Variants in ROR2 observed in about 807,000 individuals in gnomAD.
The protein encoded by ROR2 is tyrosine-protein kinase transmembrane receptor ROR2.
In ROR2, 33 loss-of-function variants were observed where a neutral mutation model predicts 74.9. The observed-to-expected ratio is 0.44, with a 90% CI of 0.33 to 0.59. The LOEUF is 0.59. Among genes scored for constraint, ROR2 ranks in the 20% least tolerant of loss-of-function variants. The pLI, the probability that ROR2 is intolerant of heterozygous loss-of-function variation, is 0.02. For synonymous variants in ROR2, 586 were observed against 558.7 expected, an observed-to-expected ratio of 1.05 and a Z score of -0.69; for missense variants, 1,216 against 1,313.8, an observed-to-expected ratio of 0.93 and a Z score of 1.15.
At chr9:91,948,662 G>T in intron 1 of ROR2, 1 of 985,522 alleles carries the variant, frequency 1.0e-6, no homozygotes, top group Middle Eastern at 5.2e-4. Flanking sequence ...CTCCCAGCAG[G>T]ACGCAGGAAA....
intron 1 of ROR2, among the ~76,000 whole-genome samples, chr9:91,801,869 G>T (rs939192238): frequency 6.6e-6 from 1 of 152,184 alleles, no homozygotes. Context: ...CATGAGCTTG[G>T]CAAGGCAGGG....
At chr9:91,732,853 G>T (rs1837292515) in intron 6 of ROR2, among the ~76,000 whole-genome samples, 5 of 152,198 alleles carry the variant, frequency 3.3e-5, no homozygotes, top group Admixed American at 3.3e-4. Context: ...CAAGCAGGTG[G>T]AGGGACTTCA....
chr9:91,860,526 G>C (rs1459720493), intron 1 of ROR2, among the ~76,000 whole-genome samples: 1 of 152,236 alleles, frequency 6.6e-6, no homozygotes, highest in African/African-American at 2.4e-5. Context: ...AGCGATCATG[G>C]AGGCTGAAAG....
At position 91,792,972 on chromosome 9, in the gene ROR2, G is replaced by A. The variant is rs183196918; in HGVS notation, c.98-17154C>T. 3.6e-4 allele frequency among the ~76,000 whole-genome samples: 55 copies of A among 152,250 alleles called. No individual in the cohort carries two copies. The East Asian group carries it at 6.9e-3, about 19-fold the overall frequency. On this transcript the variant is annotated intron_variant, in intron 1 of 8. Transcript: ENST00000375708. Reference sequence around the variant, plus strand: ...CACAAAGGACTAAAAGGCTTTCCTCGTGAATTCTATCAAATGTTTAGAGAA... The same window carrying A: ...CACAAAGGACTAAAAGGCTTTCCTCATGAATTCTATCAAATGTTTAGAGAA...
At position 91,852,624 on chromosome 9, in the gene ROR2, A is replaced by ACACACAC. The variant is rs1829133234; in HGVS notation, c.98-76807_98-76806insGTGTGTG. On this transcript the variant is annotated intron_variant, in intron 1 of 8. Transcript: ENST00000375708. Reference sequence around the variant, plus strand: ...GTTACAAATAAATGGAAAACACACAAACACACACACACACACACACACACA... The same window carrying ACACACAC: ...GTTACAAATAAATGGAAAACACACAACACACACACACACACACACACACACACACACA... Among the ~76,000 whole-genome samples, 874 of 123,768 alleles carry ACACACAC rather than the reference A, an allele frequency of 7.1e-3. 5 individuals carry two copies. The highest frequency in any genetic ancestry group is 0.024 in the East Asian group (104 of 4,342). 81.2% of individuals were successfully genotyped at this position (123,768 alleles called of 152,430 possible). A position where few individuals can be genotyped will look rare whatever the true frequency, so the allele number is the denominator to read the frequency against.
chr9:91,931,874 T>C (rs1388751471), intron 1 of ROR2, among the ~76,000 whole-genome samples: 1 of 152,204 alleles, frequency 6.6e-6, no homozygotes, highest in South Asian at 2.1e-4. Context: ...GCCTTACTTA[T>C]AATAAAATTG....
At chr9:91,907,424 G>C (rs753158813) in intron 1 of ROR2, among the ~76,000 whole-genome samples, 2 of 152,306 alleles carry the variant, frequency 1.3e-5, no homozygotes, top group Middle Eastern at 3.4e-3. Flanking sequence ...CCTGGGGCAA[G>C]GGGATCTGGG....
chr9:91,723,962 C>T lies in ROR2; in HGVS notation c.2532G>A (p.Met844Ile), dbSNP rs778233521. Residue 844 changes from methionine to isoleucine, a missense_variant, in exon 9 of 9, where the codon ATG becomes ATA. Physicochemically the swap from Met to Ile is conservative, Grantham distance 10. Coordinates refer to ENST00000375708, the MANE Select transcript of ROR2 (RefSeq NM_004560.4). ...GAGGCACCTGCTGCGGGGCCATCTG[C>T]ATTGGGATCTGCACCGGGTAGAAGT... is the stretch of plus-strand genomic sequence containing the variant. Reference protein sequence around the residue: ...LPNFYPVQIPMQMAPQQVPPQ... With the variant: ...LPNFYPVQIPIQMAPQQVPPQ... 4 of 1,613,262 alleles carry T rather than the reference C, an allele frequency of 2.5e-6. No individual in the cohort carries two copies. The highest frequency in any genetic ancestry group is 1.1e-5 in the South Asian group (1 of 91,094).
chr9:91,888,058 G>A (rs1031629179), intron 1 of ROR2, among the ~76,000 whole-genome samples: 3 of 152,046 alleles, frequency 2.0e-5, no homozygotes, highest in Non-Finnish European at 4.4e-5. Flanking sequence ...CCAAAGTGCT[G>A]GGATTACAAG....
chr9:91,944,379 G>A lies in ROR2; in HGVS notation c.97+5488C>T, dbSNP rs141325201. Reference sequence around the variant, plus strand: ...TGGAAGTTCCAGGCTGAGCAATTAGGCAAGACCAAAAATAATAAAAGGCAT... The same window carrying A: ...TGGAAGTTCCAGGCTGAGCAATTAGACAAGACCAAAAATAATAAAAGGCAT... On this transcript the variant is annotated intron_variant, in intron 1 of 8. Coordinates refer to ENST00000375708, the MANE Select transcript of ROR2 (RefSeq NM_004560.4). 2.9e-3 allele frequency among the ~76,000 whole-genome samples: 448 copies of A among 152,212 alleles called. 3 individuals carry two copies. Among genetic ancestry groups the A allele is most frequent in the African/African-American group, 0.01 (416 of 41,504 alleles).
At chr9:91,821,676 T>C (rs958556920) in intron 1 of ROR2, among the ~76,000 whole-genome samples, 3 of 152,216 alleles carry the variant, frequency 2.0e-5, no homozygotes, top group African/African-American at 7.2e-5. Context: ...CCTTAGTCTT[T>C]CTGCTATCCT....
At chr9:91,763,023 C>T (rs1825962607) in intron 2 of ROR2, among the ~76,000 whole-genome samples, 1 of 152,178 alleles carries the variant, frequency 6.6e-6, no homozygotes, top group Non-Finnish European at 1.5e-5. Flanking sequence ...ATCCTTTGCG[C>T]AACATGGATG....
At chr9:91,854,327 A>G (rs1169393573) in intron 1 of ROR2, among the ~76,000 whole-genome samples, 1 of 152,210 alleles carries the variant, frequency 6.6e-6, no homozygotes. Context: ...AGCAGCCTGC[A>G]GGAGGTGGTG....
chr9:91,857,205 A>C (rs1829319455), intron 1 of ROR2, among the ~76,000 whole-genome samples: 1 of 152,092 alleles, frequency 6.6e-6, no homozygotes, highest in Non-Finnish European at 1.5e-5. Flanking sequence ...CTCCCATCCA[A>C]CTACACAGGT....
intron 1 of ROR2, among the ~76,000 whole-genome samples, chr9:91,851,809 TACTAA>T (rs1478025453): frequency 6.6e-6 from 1 of 152,058 alleles, no homozygotes; most frequent in African/African-American, 2.4e-5. Flanking sequence ...ACCCTGTCTC[TACTAA>T]AAGTACAAAG....
At chr9:91,910,477 T>C (rs1830947975) in intron 1 of ROR2, among the ~76,000 whole-genome samples, 1 of 151,870 alleles carries the variant, frequency 6.6e-6, no homozygotes, top group Admixed American at 6.6e-5. Flanking sequence ...ACAGACAAAC[T>C]GGACTACATC....
intron 1 of ROR2, among the ~76,000 whole-genome samples, chr9:91,823,576 G>A (rs1044439354): frequency 6.6e-6 from 1 of 151,858 alleles, no homozygotes; most frequent in Non-Finnish European, 1.5e-5. Context: ...ATGAGCCACC[G>A]TGCCCAGCCT....
intron 1 of ROR2, among the ~76,000 whole-genome samples, chr9:91,868,078 A>C (rs897726281): frequency 2.0e-5 from 3 of 152,204 alleles, no homozygotes; most frequent in African/African-American, 7.2e-5. Context: ...ATTATCTGAC[A>C]AAGACTTCAA....
chr9:91,859,669 G>A (rs1031318183), intron 1 of ROR2, among the ~76,000 whole-genome samples: 2 of 151,924 alleles, frequency 1.3e-5, no homozygotes, highest in Admixed American at 6.6e-5. Context: ...CTGAAAAGAC[G>A]AAAAAATTAG....
Sources: allele counts gnomAD v4.1 joint callset (sites outside exome capture counted in the v4.1 genomes callset), GRCh38; gene constraint gnomAD v4.1.1; transcripts MANE v1.5; gene names NCBI Gene and HGNC (gene_info 2026-07-23, HGNC 2026-07-21).